Variants in SH3BP2 observed in about 807,000 individuals in gnomAD.
The protein encoded by SH3BP2 is SH3 domain-binding protein 2.
Under a neutral mutation model 56.2 loss-of-function variants are expected in SH3BP2, and 38 were observed. That is an observed-to-expected ratio of 0.68 (90% CI 0.52 to 0.89). The LOEUF is 0.89. Among genes scored for constraint, SH3BP2 ranks in the 40% least tolerant of loss-of-function variants. SH3BP2 has a pLI of 0.00. For missense variants in SH3BP2, 748 were observed against 762.6 expected, an observed-to-expected ratio of 0.98 and a Z score of 0.23; for synonymous variants, 346 against 316.7, an observed-to-expected ratio of 1.09 and a Z score of -0.98.
At chr4:2,814,498 GCACACACACACACA>G (rs34086288) in intron 1 of SH3BP2, among the ~76,000 whole-genome samples, 1 of 151,360 alleles carries the variant, frequency 6.6e-6, no homozygotes, top group Non-Finnish European at 1.5e-5. Context: ...ATGTGCATGT[GCACACACACACACA>G]CACGCACACA....
At chr4:2,804,011 G>T (rs963285618) in intron 1 of SH3BP2, among the ~76,000 whole-genome samples, 1 of 152,140 alleles carries the variant, frequency 6.6e-6, no homozygotes, top group African/African-American at 2.4e-5. Context: ...ACTTCAGGCC[G>T]AGTGGAGTGA....
chr4:2,816,571 C>T (rs2108719500), intron 1 of SH3BP2, among the ~76,000 whole-genome samples: 2 of 152,332 alleles, frequency 1.3e-5, no homozygotes, highest in South Asian at 4.1e-4. Flanking sequence ...GGTATGTTAG[C>T]TGTGGGTTTT....
rs1725005889 is a variant in SH3BP2, at chr4:2,831,863, G to A, written c.1351-60G>A. The A allele has an allele frequency of 9.6e-6, 15 of 1,570,030 alleles. No homozygotes were observed. In the South Asian group the frequency reaches 1.6e-4, roughly 16 times the overall value. On this transcript the variant is annotated intron_variant, in intron 9 of 12. Coordinates refer to ENST00000503393, the MANE Select transcript of SH3BP2 (RefSeq NM_001122681.2). This position sits in a 1 kb window ranked among gnomAD's most constrained non-coding sequence, Gnocchi z 4.1. ...CCGGCACCGGGTGGCCACCGTCCGGGGAGTGGTGGTGCGGGTGGATCACTC... is the reference window on the plus strand; with the variant it reads ...CCGGCACCGGGTGGCCACCGTCCGGAGAGTGGTGGTGCGGGTGGATCACTC...
Position 2,823,048 on chromosome 4 carries a change from G to A in SH3BP2, c.239+11G>A, listed in dbSNP as rs201777159. The A allele has an allele frequency of 2.6e-5, 41 of 1,600,558 alleles. No individual in the cohort carries two copies. The highest frequency in any genetic ancestry group is 1.7e-4 in the Middle Eastern group (1 of 6,054). On this transcript the variant is annotated intron_variant, in intron 3 of 12. Coordinates refer to ENST00000503393, the MANE Select transcript of SH3BP2 (RefSeq NM_001122681.2). ...GAGTGGCTATAACCGGTAAGTGCCC[G>A]ACCTGCCTGCTGACCTCGGGCCCCC...
intron 1 of SH3BP2, among the ~76,000 whole-genome samples, 196 bp from the exon 2 acceptor site, chr4:2,820,418 G>C (rs1724235931): frequency 6.6e-6 from 1 of 152,204 alleles, no homozygotes; most frequent in Non-Finnish European, 1.5e-5. Flanking sequence ...GGCTGACTGA[G>C]TGGAGCCCGT....
rs781538730 is a variant in SH3BP2, at chr4:2,827,334, G to A, written c.517+16G>A. On this transcript the variant is annotated intron_variant, in intron 6 of 12. Transcript: ENST00000503393. ...GACAATGAAGGTGAGGTCTTTCTCC[G>A]CATCCACTGCCCGTTTGCCTCTCCC... is the stretch of plus-strand genomic sequence containing the variant. The A allele has an allele frequency of 1.2e-5, 19 of 1,608,148 alleles. No homozygotes were observed. The highest frequency in any genetic ancestry group is 1.1e-5 in the South Asian group (1 of 90,918).
Position 2,830,099 on chromosome 4 carries a change from G to C in SH3BP2, c.1193G>C (p.Arg398Pro). The change falls in exon 8 of 13, where the codon CGG (arginine) becomes CCG (proline). Residue 398 changes from arginine (R) to proline (P), a missense_variant. Transcript: ENST00000503393. ...CTGCCAGTGCCTGAGGCCATGGCGC[G>C]GCCCGCAGTCCTGCCCAGGCCAGAG... ...LKLPVPEAMA[R>P]PAVLPRPEKP... 6.2e-6 allele frequency: 10 copies of C among 1,606,926 alleles called. No individual in the cohort carries two copies. Among genetic ancestry groups the C allele is most frequent in the Non-Finnish European group, 8.5e-6 (10 of 1,179,168 alleles).
At chr4:2,807,477 A>T (rs1723579978) in intron 1 of SH3BP2, among the ~76,000 whole-genome samples, 1 of 152,148 alleles carries the variant, frequency 6.6e-6, no homozygotes, top group Non-Finnish European at 1.5e-5. Context: ...AGTGCCAGGG[A>T]CACATGGGGT....
chr4:2,824,983 C>T, intron 4 of SH3BP2, 143 bp from the exon 5 acceptor site: 1 of 790,624 alleles, frequency 1.3e-6, no homozygotes. Flanking sequence ...CTGAGGGGAG[C>T]CACACAGCCA....
At chr4:2,806,304 C>T (rs956458295) in intron 1 of SH3BP2, among the ~76,000 whole-genome samples, 2 of 152,158 alleles carry the variant, frequency 1.3e-5, no homozygotes, top group Non-Finnish European at 2.9e-5. Context: ...GACAGTGAAA[C>T]CCTTCAGGCC....
chr4:2,815,572 G>C (rs1723957815), intron 1 of SH3BP2, among the ~76,000 whole-genome samples: 1 of 152,236 alleles, frequency 6.6e-6, no homozygotes, highest in Non-Finnish European at 1.5e-5. Flanking sequence ...GCCTTGTCCA[G>C]GTGTGGAGCC....
intron 1 of SH3BP2, among the ~76,000 whole-genome samples, chr4:2,815,946 G>A (rs573268697): frequency 1.7e-4 from 26 of 152,312 alleles, no homozygotes; most frequent in African/African-American, 5.3e-4. Flanking sequence ...AAAAGGGAAC[G>A]CTTGAACTAA....
At chr4:2,815,117 C>G (rs1353142527) in intron 1 of SH3BP2, among the ~76,000 whole-genome samples, 1 of 152,228 alleles carries the variant, frequency 6.6e-6, no homozygotes, top group Non-Finnish European at 1.5e-5. Context: ...CCAAGAGCAG[C>G]ATGGTCACCA....
In SH3BP2 at chr4:2,831,661, G is replaced by C. The variant is rs34668322; in HGVS notation, c.1332G>C (p.Ser444=). 1.3e-6 allele frequency: 2 copies of C among 1,589,610 alleles called. No homozygotes were observed. The highest frequency in any genetic ancestry group is 1.1e-5 in the South Asian group (1 of 88,118). Residue 444 remains serine (S), a synonymous_variant, in exon 9 of 13, where the codon TCG becomes TCC. Coordinates refer to ENST00000503393, the MANE Select transcript of SH3BP2 (RefSeq NM_001122681.2). This position sits in a 1 kb window ranked among gnomAD's most constrained non-coding sequence, Gnocchi z 4.1. The part of the protein sequence containing the change: ...PSQADTGGDD[S]DEDYEKVPLP... ...AGGCTGACACTGGCGGGGACGACTC[G>C]GACGAGGACTATGAGAAGGCAAGGC...
intron 5 of SH3BP2, among the ~76,000 whole-genome samples, chr4:2,825,441 C>T (rs1380380472): frequency 2.6e-5 from 4 of 151,786 alleles, no homozygotes; most frequent in Admixed American, 6.6e-5. Flanking sequence ...AAGCAACACG[C>T]GGACATGCAC....
At position 2,830,038 on chromosome 4, in the gene SH3BP2, G is replaced by A. The variant is rs1724896293; in HGVS notation, c.1132G>A (p.Val378Met). The A allele has an allele frequency of 4.3e-6, 7 of 1,612,610 alleles. No homozygotes were observed. The highest frequency in any genetic ancestry group is 4.2e-6 in the Non-Finnish European group (5 of 1,179,896). ...GGAGGCAGCCATGCCCGGACTCTTT[G>A]TGCCCCCCGTGGCTCCCCGGCCTCC... The part of the protein sequence containing the change: ...PREAAMPGLF[V>M]PPVAPRPPAL... The change falls in exon 8 of 13, where the codon GTG becomes ATG. Residue 378 changes from valine to methionine, a missense_variant. Val to Met is a conservative substitution (Grantham distance 21). Around this residue, in one of 3 missense-constraint regions of SH3BP2, gnomAD observed 635 missense variants for 615.0 expected, o/e 1.03. Coordinates refer to ENST00000503393, the MANE Select transcript of SH3BP2 (RefSeq NM_001122681.2).
chr4:2,827,907 G>A (rs368339821), intron 7 of SH3BP2, among the ~76,000 whole-genome samples: 11 of 152,202 alleles, frequency 7.2e-5, no homozygotes, highest in East Asian at 1.9e-4. Flanking sequence ...GGCACATGGC[G>A]ATAAGTGGCA....
At chr4:2,833,478 C>T in intron 12 of SH3BP2, 1 of 640,104 alleles carries the variant, frequency 1.6e-6, no homozygotes, top group Non-Finnish European at 2.8e-6. Flanking sequence ...GCTCTGGGTG[C>T]AGGCTCCTGG....
intron 1 of SH3BP2, among the ~76,000 whole-genome samples, chr4:2,807,769 A>G (rs1197383814): frequency 3.9e-5 from 6 of 152,162 alleles, no homozygotes; most frequent in Admixed American, 3.9e-4. Flanking sequence ...AAAGGGGTGA[A>G]CGCGAGGCCA....
Sources: gnomAD v4.1 joint callset for allele counts (sites outside exome capture counted in the v4.1 genomes callset) on GRCh38, gnomAD v4.1.1 for gene constraint, gnomAD v4.1.1 regional missense constraint, Gnocchi (gnomAD v3.1) non-coding constraint, MANE v1.5 for transcripts, NCBI Gene and HGNC (gene_info 2026-07-23, HGNC 2026-07-21) for gene names.